MCTP1: variants seen among roughly 807,000 people sequenced by gnomAD.
The protein encoded by MCTP1 is multiple C2 and transmembrane domain-containing protein 1.
Under a neutral mutation model 120.6 loss-of-function variants are expected in MCTP1, and 69 were observed. That is an observed-to-expected ratio of 0.57 (90% CI 0.47 to 0.70). The LOEUF is 0.70. Ranked by LOEUF, MCTP1 falls within the 30% of genes least tolerant of loss-of-function variation. The pLI is 0.00. For missense variants in MCTP1, 1,203 were observed against 1,248.8 expected (o/e 0.96, Z 0.55); for synonymous variants, 529 against 493.1 (o/e 1.07, Z -0.96).
At chr5:95,024,827 A>G (rs1364698163) in intron 1 of MCTP1, among the ~76,000 whole-genome samples, 1 of 152,160 alleles carries the variant, frequency 6.6e-6, no homozygotes, top group Non-Finnish European at 1.5e-5. Flanking sequence ...CCTATTTACA[A>G]TATCATAAAA....
intron 17 of MCTP1, among the ~76,000 whole-genome samples, chr5:94,801,916 T>G (rs1330826015): frequency 6.6e-6 from 1 of 152,248 alleles, no homozygotes; most frequent in African/African-American, 2.4e-5. Context: ...TGTAGTCATC[T>G]TCCTCTTACC....
intron 18 of MCTP1, among the ~76,000 whole-genome samples, chr5:94,786,441 A>G (rs546667420): frequency 6.6e-6 from 1 of 152,286 alleles, no homozygotes; most frequent in Non-Finnish European, 1.5e-5. Flanking sequence ...AAGAATAATC[A>G]CCTCACAAAA....
At chr5:94,825,832 T>A (rs1298015070) in intron 17 of MCTP1, 1 of 168,892 alleles carries the variant, frequency 5.9e-6, no homozygotes, top group Non-Finnish European at 1.2e-5. Context: ...CCCTTACCAT[T>A]ATGTAATGCC....
intron 17 of MCTP1, among the ~76,000 whole-genome samples, chr5:94,833,741 A>G (rs1261392182): frequency 6.6e-6 from 1 of 152,186 alleles, no homozygotes; most frequent in Non-Finnish European, 1.5e-5. Flanking sequence ...GCTGTTCATC[A>G]AGTGCCAAAA....
At chr5:95,054,989 G>A (rs1418172540) in intron 1 of MCTP1, among the ~76,000 whole-genome samples, 3 of 152,030 alleles carry the variant, frequency 2.0e-5, no homozygotes, top group Non-Finnish European at 4.4e-5. Flanking sequence ...TGTATTTTTA[G>A]TAGAAAAATA....
At chr5:95,173,589 A>G (rs1398855109) in intron 1 of MCTP1, among the ~76,000 whole-genome samples, 1 of 152,178 alleles carries the variant, frequency 6.6e-6, no homozygotes, top group Non-Finnish European at 1.5e-5. Context: ...TCTCAATTCT[A>G]CTTTCTCCTC....
rs141720925 is a variant in MCTP1, at chr5:94,894,757, G to A, written c.1731C>T (p.His577=). The A allele has an allele frequency of 3.1e-6, 5 of 1,613,520 alleles. No individual in the cohort carries two copies. The African/African-American group carries it at 4.0e-5, about 13-fold the overall frequency. The change falls in exon 11 of 23, where the codon CAC becomes CAT. Residue 577 remains histidine (H), a synonymous_variant. Transcript: ENST00000515393. ...CTGTCAGAGTGACCAGCAGCACCAG[G>A]TGTCCCTCACCCTCTTCCAGCTGCA... ...LELQLEEGEG[H]LVLLVTLTAS...
At chr5:94,894,863 G>A (rs763611503) in intron 10 of MCTP1, 28 bp from the exon 11 acceptor site, 2 of 1,345,622 alleles carry the variant, frequency 1.5e-6, no homozygotes, top group Non-Finnish European at 1.9e-6. Context: ...GAATCAGCAA[G>A]TGGCTTTTTT....
At chr5:94,744,715 T>C (rs545108965) in intron 19 of MCTP1, among the ~76,000 whole-genome samples, 9 of 152,286 alleles carry the variant, frequency 5.9e-5, no homozygotes, top group African/African-American at 1.7e-4. Flanking sequence ...TTCTCCATGT[T>C]GGTCAGGCTG....
intron 1 of MCTP1, among the ~76,000 whole-genome samples, chr5:95,035,520 C>T (rs1468936440): frequency 6.6e-6 from 1 of 151,838 alleles, no homozygotes; most frequent in East Asian, 1.9e-4. Flanking sequence ...AATATAATAG[C>T]TACACATGGT....
chr5:94,929,648 A>G, intron 6 of MCTP1: 1 of 984,772 alleles, frequency 1.0e-6, no homozygotes, highest in Non-Finnish European at 1.2e-6. Context: ...CCCAGGAAGC[A>G]CAATTTACCG....
intron 1 of MCTP1, among the ~76,000 whole-genome samples, chr5:95,218,077 T>C (rs1365006085): frequency 6.6e-6 from 1 of 152,218 alleles, no homozygotes; most frequent in Non-Finnish European, 1.5e-5. Flanking sequence ...ATTCCAAGGC[T>C]TGGCCTTACA....
chr5:95,141,660 AT>A (rs555990947), intron 1 of MCTP1, among the ~76,000 whole-genome samples: 45 of 151,902 alleles, frequency 3.0e-4, no homozygotes, highest in Non-Finnish European at 6.0e-4. Flanking sequence ...TCTTGATTTC[AT>A]TTCTCTTTCT....
At chr5:95,042,194 C>T (rs73775414) in intron 1 of MCTP1, among the ~76,000 whole-genome samples, 1,539 of 152,108 alleles carry the variant, frequency 0.01, 35 homozygotes, top group African/African-American at 0.035. Flanking sequence ...TTTCCAATGC[C>T]GGTAAGGAAG....
intron 1 of MCTP1, among the ~76,000 whole-genome samples, chr5:95,165,383 T>C (rs1285673836): frequency 1.3e-5 from 2 of 152,236 alleles, no homozygotes; most frequent in Non-Finnish European, 2.9e-5. Flanking sequence ...ATCTTTGATA[T>C]TTAGTACGCA....
chr5:95,266,786 CAGGGCTTGGT>C (rs1228193947), intron 1 of MCTP1, among the ~76,000 whole-genome samples: 1 of 152,130 alleles, frequency 6.6e-6, no homozygotes, highest in Non-Finnish European at 1.5e-5. Flanking sequence ...CTCAGTCGGG[CAGGGCTTGGT>C]ACAATTTCTG....
chr5:94,900,332 C>T (rs1229629502), intron 10 of MCTP1, among the ~76,000 whole-genome samples: 2 of 152,208 alleles, frequency 1.3e-5, no homozygotes, highest in Non-Finnish European at 2.9e-5. Context: ...ATATCTTATT[C>T]TCAGCACGTG....
chr5:95,017,239 C>T, intron 2 of MCTP1, 128 bp downstream of exon 2: 2 of 552,830 alleles, frequency 3.6e-6, no homozygotes, highest in South Asian at 2.8e-5. Context: ...CAAACTGTGT[C>T]TTTGAATTCA....
intron 12 of MCTP1, among the ~76,000 whole-genome samples, chr5:94,875,627 C>A (rs996220110): frequency 1.3e-5 from 2 of 151,268 alleles, no homozygotes; most frequent in Non-Finnish European, 2.9e-5. Flanking sequence ...TGGTTAGATT[C>A]TGGATATATT....
Sources: gnomAD v4.1 joint callset for allele counts (sites outside exome capture counted in the v4.1 genomes callset) on GRCh38, gnomAD v4.1.1 for gene constraint, MANE v1.5 for transcripts, NCBI Gene and HGNC (gene_info 2026-07-23, HGNC 2026-07-21) for gene names.